DICER1: variants seen among roughly 807,000 people sequenced by gnomAD.
DICER1 encodes dicer 1, ribonuclease III.
DICER1 carries 43 observed loss-of-function variants against 194.1 expected under a neutral mutation model. That is an observed-to-expected ratio of 0.22 (90% confidence interval 0.17 to 0.29). The LOEUF (loss-of-function observed/expected upper bound fraction) is 0.29. DICER1 is among the 10% of genes least tolerant of loss of function. The probability of loss-of-function intolerance (pLI) is 1.00; values close to 1 mark genes in which losing one functional copy is unlikely to be tolerated. For synonymous variants in DICER1, 832 were observed against 820.5 expected, an observed-to-expected ratio of 1.01 and a Z score of -0.24; for missense variants, 1,608 against 2,317.0, an observed-to-expected ratio of 0.69 and a Z score of 6.28.
In DICER1 at chr14:95,090,051, T is replaced by TACTGCAGGACTGGC. The variant is rs540370928; in HGVS notation, c.*433_*446dup. 5.2e-4 allele frequency: 162 copies of TACTGCAGGACTGGC among 310,232 alleles called. 2 individuals carry two copies. The Middle Eastern group carries it at 0.013, about 25-fold the overall frequency. The allele number at this position is 310,232 out of a possible 1,614,324, so 19.2% of individuals were successfully genotyped here. The stretch of plus-strand genomic sequence containing the variant: ...TTATCTTTCTATTCAGCTTATCAAC[T>TACTGCAGGACTGGC]ACTGCAGGACTGGCACTACTGCACA... On this transcript the variant is annotated 3_prime_UTR_variant, in exon 27 of 27. Transcript: ENST00000343455.
intron 1 of DICER1, among the ~76,000 whole-genome samples, chr14:95,147,152 A>C (rs938254337): frequency 6.6e-6 from 1 of 152,228 alleles, no homozygotes; most frequent in Non-Finnish European, 1.5e-5. Context: ...GAGACATACA[A>C]TTCTGTTTTA....
intron 22 of DICER1, among the ~76,000 whole-genome samples, chr14:95,098,346 A>C (rs1890552883): frequency 6.6e-6 from 1 of 152,230 alleles, no homozygotes; most frequent in African/African-American, 2.4e-5. Flanking sequence ...ACTTAAGCCC[A>C]TTTGCTGAAG....
At chr14:95,128,896 A>C (rs959190631) in intron 6 of DICER1, among the ~76,000 whole-genome samples, 18 of 152,206 alleles carry the variant, frequency 1.2e-4, no homozygotes, top group African/African-American at 4.1e-4. Flanking sequence ...CCATTTTCCT[A>C]ATTTGTAAAG....
intron 10 of DICER1, among the ~76,000 whole-genome samples, chr14:95,116,058 G>GACACACACACAC (rs150390018): frequency 5.7e-4 from 81 of 143,034 alleles, no homozygotes; most frequent in African/African-American, 1.4e-3. Context: ...TGCCTACACA[G>GACACACACACAC]ACACACACAC....
Position 95,124,748 on chromosome 14 carries a change from C to T in DICER1, c.904-80G>A. 1 of 1,220,238 alleles carries T rather than the reference C, an allele frequency of 8.2e-7. No individual in the cohort carries two copies. Among genetic ancestry groups the T allele is most frequent in the Admixed American group, 1.9e-5 (1 of 53,378 alleles). The allele number at this position is 1,220,238 out of a possible 1,614,324, so 75.6% of individuals were successfully genotyped here. On this transcript the variant is annotated intron_variant, in intron 7 of 26. Coordinates refer to ENST00000343455, the MANE Select transcript of DICER1 (RefSeq NM_177438.3). This position sits in a 1 kb window ranked among gnomAD's most constrained non-coding sequence, Gnocchi z 4.5. ...TTCATGTGGGGTTTAACTGGGATTT[C>T]AGTTGTTCTCAAATGGCTCCTTAAA...
intron 12 of DICER1, among the ~76,000 whole-genome samples, chr14:95,112,477 A>G (rs2140081517): frequency 6.6e-6 from 1 of 152,368 alleles, no homozygotes; most frequent in East Asian, 1.9e-4. Flanking sequence ...TTAAGATTTT[A>G]CAATTTTGAT....
At position 95,129,652 on chromosome 14, in the gene DICER1, T is replaced by A. The variant is rs763607306; in HGVS notation, c.574-20A>T. The A allele has an allele frequency of 6.2e-7, 1 of 1,606,328 alleles. No homozygotes were observed. Among genetic ancestry groups the A allele is most frequent in the Non-Finnish European group, 8.5e-7 (1 of 1,178,848 alleles). On this transcript the variant is annotated intron_variant, in intron 5 of 26. Coordinates refer to ENST00000343455, the MANE Select transcript of DICER1 (RefSeq NM_177438.3). ...ACAGAGCTAACATAATAAAAGATAC[T>A]GACAGTAAAGACTTCATTTTGCAAG...
Position 95,117,771 on chromosome 14 carries a change from C to A in DICER1, c.1377-17G>T, listed in dbSNP as rs1296366186. ...TTTATCAATCTAAGAAAATTATACA[C>A]ATTTGGAAGTTAAACGTTGCTGAAA... On this transcript the variant is annotated splice_polypyrimidine_tract_variant and intron_variant, in intron 8 of 26. Coordinates refer to ENST00000343455, the MANE Select transcript of DICER1 (RefSeq NM_177438.3). 1 of 1,612,868 alleles carries A rather than the reference C, an allele frequency of 6.2e-7. No individual in the cohort carries two copies. Among genetic ancestry groups the A allele is most frequent in the East Asian group, 2.2e-5 (1 of 44,856 alleles).
intron 8 of DICER1, among the ~76,000 whole-genome samples, chr14:95,121,225 A>G (rs1270078399): frequency 6.6e-6 from 1 of 152,244 alleles, no homozygotes; most frequent in Non-Finnish European, 1.5e-5. Flanking sequence ...AAACTGTGAC[A>G]GACCAGAGGA....
chr14:95,137,778 T>C (rs1894516240), intron 1 of DICER1: 1 of 152,666 alleles, frequency 6.6e-6, no homozygotes. Context: ...ATGTTCTCCT[T>C]ATTTGTCCTT....
At chr14:95,155,197 C>T (rs1249056637) in intron 1 of DICER1, among the ~76,000 whole-genome samples, 1 of 152,110 alleles carries the variant, frequency 6.6e-6, no homozygotes, top group African/African-American at 2.4e-5. Flanking sequence ...AGAGAATGTA[C>T]GTAGAACCTG....
At chr14:95,111,548 GA>G in intron 13 of DICER1, 92 bp from the exon 14 acceptor site, 2 of 1,369,262 alleles carry the variant, frequency 1.5e-6, no homozygotes. Flanking sequence ...GAAGGACCTG[GA>G]AAAGTAATGG....
intron 2 of DICER1, among the ~76,000 whole-genome samples, 161 bp from the exon 3 acceptor site, chr14:95,132,838 A>C (rs982580691): frequency 6.6e-6 from 1 of 152,252 alleles, no homozygotes; most frequent in African/African-American, 2.4e-5. Flanking sequence ...TACGAGAATA[A>C]CTCAGAGGAA....
intron 8 of DICER1, among the ~76,000 whole-genome samples, chr14:95,120,374 C>A (rs1321484476): frequency 6.6e-6 from 1 of 152,140 alleles, no homozygotes; most frequent in Non-Finnish European, 1.5e-5. Flanking sequence ...ATTTTTAATA[C>A]AAAGTCTCTT....
chr14:95,095,695 C>T, intron 23 of DICER1, 130 bp downstream of exon 23: 5 of 1,000,692 alleles, frequency 5.0e-6, no homozygotes, highest in South Asian at 2.7e-5. Context: ...TCCTTTTGTT[C>T]CCCGCCCCAT....
intron 1 of DICER1, among the ~76,000 whole-genome samples, chr14:95,145,191 CCT>C (rs1364524339): frequency 3.3e-5 from 5 of 152,280 alleles, no homozygotes; most frequent in Non-Finnish European, 5.9e-5. Context: ...GACCTCTTCC[CCT>C]GTTAATGTCT....
intron 22 of DICER1, among the ~76,000 whole-genome samples, chr14:95,097,760 G>C (rs1890491522): frequency 6.6e-6 from 1 of 152,106 alleles, no homozygotes; most frequent in African/African-American, 2.4e-5. Flanking sequence ...TTTTAAACTA[G>C]ACTCAAGATA....
At chr14:95,129,240 A>G (rs1304412562) in intron 6 of DICER1, 1 of 483,094 alleles carries the variant, frequency 2.1e-6, no homozygotes, top group Non-Finnish European at 3.7e-6. Flanking sequence ...AAGAGCTGAC[A>G]CATAATCTCT....
intron 23 of DICER1, among the ~76,000 whole-genome samples, chr14:95,094,885 A>T (rs1286299643): frequency 2.0e-5 from 3 of 152,194 alleles, no homozygotes; most frequent in African/African-American, 7.2e-5. Context: ...ACCGATGGTG[A>T]CTTGTCCCAG....
Sources: allele counts gnomAD v4.1 joint callset (sites outside exome capture counted in the v4.1 genomes callset), GRCh38; gene constraint gnomAD v4.1.1; non-coding constraint Gnocchi (gnomAD v3.1); transcripts MANE v1.5; gene names NCBI Gene and HGNC (gene_info 2026-07-23, HGNC 2026-07-21).